Variants in CLNK observed in about 807,000 individuals in gnomAD.
The protein encoded by CLNK is cytokine dependent hematopoietic cell linker.
Under a neutral mutation model 68.6 loss-of-function variants are expected in CLNK, and 74 were observed. The observed-to-expected ratio is 1.08, with a 90% confidence interval of 0.89 to 1.31. The LOEUF (loss-of-function observed/expected upper bound fraction) is 1.31, where lower values mean the gene tolerates loss of function less well. CLNK is among the 50% of genes most tolerant of loss of function. The pLI is 0.00. For synonymous variants in CLNK, 198 were observed against 172.2 expected, an observed-to-expected ratio of 1.15 and a Z score of -1.17; for missense variants, 553 against 515.3, an observed-to-expected ratio of 1.07 and a Z score of -0.71.
At position 10,487,238 on chromosome 4, in the gene CLNK, G is replaced by A. The variant is rs1223997490; in HGVS notation, c.*3229C>T. 1 of 152,136 alleles carries A rather than the reference G, an allele frequency of 6.6e-6. No homozygotes were observed. Among genetic ancestry groups the A allele is most frequent in the Non-Finnish European group, 1.5e-5 (1 of 68,024 alleles). 9.4% of individuals were successfully genotyped at this position (152,136 alleles called of 1,614,324 possible). A position where few individuals can be genotyped will look rare whatever the true frequency, so the allele number is the denominator to read the frequency against. ...AATATTCAATTACAGATCTAATAAA[G>A]CAGGTAGACCATGAATAGGATAATT... On this transcript the variant is annotated 3_prime_UTR_variant, in exon 19 of 19. Transcript: ENST00000226951.
At chr4:10,655,699 G>C (rs1312237105) in intron 2 of CLNK, among the ~76,000 whole-genome samples, 1 of 141,260 alleles carries the variant, frequency 7.1e-6, no homozygotes, top group Non-Finnish European at 1.5e-5. Context: ...GCCCAGGCTG[G>C]AGTGCAGTGG....
intron 2 of CLNK, among the ~76,000 whole-genome samples, chr4:10,629,668 C>G (rs1332692363): frequency 6.6e-6 from 1 of 152,088 alleles, no homozygotes; most frequent in Non-Finnish European, 1.5e-5. Context: ...AGCCCCAAAA[C>G]CAGGCCAATG....
chr4:10,515,922 C>G (rs953174155), intron 15 of CLNK, among the ~76,000 whole-genome samples: 1 of 152,126 alleles, frequency 6.6e-6, no homozygotes, highest in African/African-American at 2.4e-5. Flanking sequence ...ATAAAAAGTT[C>G]ATTGATAGGG....
In CLNK at chr4:10,599,151, A is replaced by G. The variant is rs188906811; in HGVS notation, c.12-1102T>C. On this transcript the variant is annotated intron_variant, in intron 2 of 18. Coordinates refer to ENST00000226951, the MANE Select transcript of CLNK (RefSeq NM_052964.4). The stretch of plus-strand genomic sequence containing the variant: ...GTTCACATCTGACTGTTGAACTTCC[A>G]TCTCCACTAGAGCAGAGATTTGTAG... Among the ~76,000 whole-genome samples the G allele has an allele frequency of 1.8e-4, 27 of 152,334 alleles. No individual in the cohort carries two copies. In the East Asian group the frequency reaches 4.4e-3, roughly 25 times the overall value.
At chr4:10,669,913 A>G (rs1322605424) in intron 1 of CLNK, among the ~76,000 whole-genome samples, 1 of 152,072 alleles carries the variant, frequency 6.6e-6, no homozygotes, top group Non-Finnish European at 1.5e-5. Flanking sequence ...GGCAGTGGGG[A>G]AGGGGACTTG....
intron 4 of CLNK, among the ~76,000 whole-genome samples, chr4:10,573,441 A>T (rs1720425744): frequency 6.6e-6 from 1 of 152,094 alleles, no homozygotes; most frequent in East Asian, 1.9e-4. Flanking sequence ...CACTGATGAC[A>T]CCTTCCTGAC....
At chr4:10,681,741 G>T (rs1422510954) in intron 1 of CLNK, among the ~76,000 whole-genome samples, 1 of 152,178 alleles carries the variant, frequency 6.6e-6, no homozygotes, top group Non-Finnish European at 1.5e-5. Context: ...ATGAACCTGG[G>T]AACATCAGCA....
At chr4:10,551,352 T>A (rs1240368201) in intron 8 of CLNK, among the ~76,000 whole-genome samples, 1 of 152,022 alleles carries the variant, frequency 6.6e-6, no homozygotes, top group Non-Finnish European at 1.5e-5. Flanking sequence ...TCCAGCGATT[T>A]TCCTGCCTCA....
At chr4:10,502,133 G>A (rs1044627991) in intron 17 of CLNK, among the ~76,000 whole-genome samples, 1 of 152,208 alleles carries the variant, frequency 6.6e-6, no homozygotes, top group African/African-American at 2.4e-5. Context: ...TTTGCATGAT[G>A]TATTAGTCTG....
intron 8 of CLNK, among the ~76,000 whole-genome samples, chr4:10,553,574 C>T (rs1253826911): frequency 6.6e-6 from 1 of 152,040 alleles, no homozygotes; most frequent in African/African-American, 2.4e-5. Context: ...GCCTCAGCCT[C>T]CCCCGTAGCT....
At chr4:10,679,666 C>G (rs1413723642) in intron 1 of CLNK, among the ~76,000 whole-genome samples, 5 of 151,854 alleles carry the variant, frequency 3.3e-5, no homozygotes, top group Non-Finnish European at 7.4e-5. Context: ...AACAAATTTA[C>G]AAGAAAAAAA....
At chr4:10,723,569 C>A in the CLNK span, among the ~76,000 whole-genome samples, 2 of 152,042 alleles carry the variant, frequency 1.3e-5, no homozygotes, top group African/African-American at 4.8e-5. Context: ...TGTAGGTAGC[C>A]TTGAGGAAAT....
At chr4:10,577,709 G>A (rs930416700) in intron 4 of CLNK, among the ~76,000 whole-genome samples, 2 of 151,974 alleles carry the variant, frequency 1.3e-5, no homozygotes, top group South Asian at 2.1e-4. Context: ...GGAAGAACAG[G>A]GTCTCTGAGG....
At chr4:10,606,819 T>A (rs184644140) in intron 2 of CLNK, among the ~76,000 whole-genome samples, 263 of 152,286 alleles carry the variant, frequency 1.7e-3, no homozygotes, top group African/African-American at 6.2e-3. Flanking sequence ...GTTGATTCTG[T>A]TTTTCTATAG....
At chr4:10,534,805 G>T (rs559157324) in intron 11 of CLNK, among the ~76,000 whole-genome samples, 5 of 152,218 alleles carry the variant, frequency 3.3e-5, no homozygotes, top group African/African-American at 1.2e-4. Context: ...GTTCCTATGT[G>T]CCCTATACCC....
At chr4:10,581,094 C>T (rs1412189893) in intron 4 of CLNK, among the ~76,000 whole-genome samples, 1 of 152,136 alleles carries the variant, frequency 6.6e-6, no homozygotes, top group East Asian at 1.9e-4. Flanking sequence ...CATTGTGTTA[C>T]AACTGCCTAC....
At chr4:10,547,767 T>C (rs1175372981) in intron 8 of CLNK, among the ~76,000 whole-genome samples, 1 of 152,182 alleles carries the variant, frequency 6.6e-6, no homozygotes, top group African/African-American at 2.4e-5. Context: ...CTGACTTGTT[T>C]TGGCCCAACA....
intron 1 of CLNK, among the ~76,000 whole-genome samples, chr4:10,670,226 A>T (rs1380176155): frequency 6.6e-6 from 1 of 152,248 alleles, no homozygotes; most frequent in Non-Finnish European, 1.5e-5. Flanking sequence ...AGCATCAGTC[A>T]TGTTATATTT....
chr4:10,598,573 T>C, intron 2 of CLNK: 1 of 324,692 alleles, frequency 3.1e-6, no homozygotes, highest in Admixed American at 4.0e-5. Flanking sequence ...ACAGCCACTC[T>C]GATTCAAGTA....
Sources: allele counts gnomAD v4.1 joint callset (sites outside exome capture counted in the v4.1 genomes callset), GRCh38; gene constraint gnomAD v4.1.1; transcripts MANE v1.5; gene names NCBI Gene and HGNC (gene_info 2026-07-23, HGNC 2026-07-21).